PRKN: variants seen among roughly 807,000 people sequenced by gnomAD.
The protein encoded by PRKN is E3 ubiquitin-protein ligase parkin.
PRKN carries 56 observed loss-of-function variants against 59.5 expected under a neutral mutation model. The observed-to-expected ratio is 0.94, with a 90% CI of 0.76 to 1.18. The LOEUF is 1.18. Among genes scored for constraint, PRKN ranks in the 50% most tolerant of loss-of-function variants. PRKN has a pLI of 0.00. For synonymous variants in PRKN, 250 were observed against 222.1 expected (o/e 1.13, Z -1.12); for missense variants, 657 against 596.4 (o/e 1.10, Z -1.06).
chr6:162,160,760 T>C (rs1782715276), intron 4 of PRKN, among the ~76,000 whole-genome samples: 1 of 151,668 alleles, frequency 6.6e-6, no homozygotes, highest in African/African-American at 2.4e-5. Flanking sequence ...AAGAGGGGAC[T>C]TTCTCCTGTA....
intron 4 of PRKN, among the ~76,000 whole-genome samples, chr6:162,111,844 G>T (rs923235729): frequency 6.6e-6 from 1 of 152,168 alleles, no homozygotes; most frequent in African/African-American, 2.4e-5. Context: ...TTGTTGCCCT[G>T]GGGCCTCCCA....
At chr6:162,521,675 T>C (rs1778083005) in intron 1 of PRKN, among the ~76,000 whole-genome samples, 1 of 152,102 alleles carries the variant, frequency 6.6e-6, no homozygotes, top group Non-Finnish European at 1.5e-5. Context: ...TGTGTGTATG[T>C]GTATAACGTA....
At chr6:162,055,293 GA>G (rs147488648) in intron 4 of PRKN, among the ~76,000 whole-genome samples, 2,406 of 152,258 alleles carry the variant, frequency 0.016, 70 homozygotes, top group African/African-American at 0.054. Flanking sequence ...CATCTACTTG[GA>G]AACAAAAATC....
chr6:161,552,835 G>A lies in PRKN; in HGVS notation c.934-3832C>T, dbSNP rs535844536. On this transcript the variant is annotated intron_variant, in intron 8 of 11. Transcript: ENST00000366898. This position sits in a 1 kb window ranked among gnomAD's most constrained non-coding sequence, Gnocchi z 4.9. ...TTTAGACGGAGTCTCGTTGTTACGC[G>A]GCTGGAGTACAGTGGCGCAATCTCG... Among the ~76,000 whole-genome samples, 6 of 149,348 alleles carry A rather than the reference G, an allele frequency of 4.0e-5. No individual in the cohort carries two copies. Among genetic ancestry groups the A allele is most frequent in the African/African-American group, 1.2e-4 (5 of 40,690 alleles).
At chr6:162,421,720 C>G (rs886454400) in intron 2 of PRKN, among the ~76,000 whole-genome samples, 3 of 152,024 alleles carry the variant, frequency 2.0e-5, no homozygotes, top group Non-Finnish European at 4.4e-5. Flanking sequence ...CAGTCTACTG[C>G]AAACAAGGAG....
Position 161,360,403 on chromosome 6 carries a change from G to T in PRKN, c.1168-198C>A, listed in dbSNP as rs1411698243. ...ACACTCTCCCTGGCATGTGGCGTAT[G>T]CGTAGGAGCGGGGAAGAGATTGTTT... On this transcript the variant is annotated intron_variant, in intron 10 of 11. Transcript: ENST00000366898. The surrounding 1 kb of genome is among the most constrained non-coding windows in gnomAD (Gnocchi z 5.1). Among the ~76,000 whole-genome samples, 1 of 152,228 alleles carries T rather than the reference G, an allele frequency of 6.6e-6. No homozygotes were observed. The highest frequency in any genetic ancestry group is 2.4e-5 in the African/African-American group (1 of 41,454).
intron 7 of PRKN, among the ~76,000 whole-genome samples, chr6:161,637,038 T>C (rs1783549710): frequency 6.6e-6 from 1 of 152,216 alleles, no homozygotes; most frequent in South Asian, 2.1e-4. Context: ...TCTGAGAGGC[T>C]GATGGAGCAC....
chr6:162,028,885 T>C (rs966311691), intron 5 of PRKN, among the ~76,000 whole-genome samples: 2 of 152,202 alleles, frequency 1.3e-5, no homozygotes, highest in African/African-American at 2.4e-5. Context: ...GCACAAGCCA[T>C]GTGGAAACCA....
intron 7 of PRKN, among the ~76,000 whole-genome samples, chr6:161,671,176 T>C (rs1235507489): frequency 6.6e-6 from 1 of 152,142 alleles, no homozygotes; most frequent in African/African-American, 2.4e-5. Flanking sequence ...GCTTGTGTCT[T>C]GCTCTCAGAA....
At position 161,459,769 on chromosome 6, in the gene PRKN, T is replaced by C. The variant is rs920350821; in HGVS notation, c.1084-72892A>G. Among the ~76,000 whole-genome samples the C allele has an allele frequency of 1.3e-5, 2 of 152,192 alleles. No homozygotes were observed. Among genetic ancestry groups the C allele is most frequent in the African/African-American group, 4.8e-5 (2 of 41,452 alleles). ...ATTTGCTATAATTATAACAGTTCAG[T>C]TATTTGGTTTTCTCTTTGTCTCCTT... On this transcript the variant is annotated intron_variant, in intron 9 of 11. Transcript: ENST00000366898. This position sits in a 1 kb window ranked among gnomAD's most constrained non-coding sequence, Gnocchi z 4.8.
chr6:162,102,936 G>C (rs929816484), intron 4 of PRKN, among the ~76,000 whole-genome samples: 1 of 151,726 alleles, frequency 6.6e-6, no homozygotes, highest in Non-Finnish European at 1.5e-5. Context: ...CCAGCTACTT[G>C]GGAGGCTGAG....
At chr6:161,591,575 C>T (rs1781727126) in intron 7 of PRKN, among the ~76,000 whole-genome samples, 1 of 152,088 alleles carries the variant, frequency 6.6e-6, no homozygotes, top group Non-Finnish European at 1.5e-5. Context: ...TTTGAGTTTC[C>T]ACAACATCCA....
intron 1 of PRKN, among the ~76,000 whole-genome samples, chr6:162,669,165 CAT>C (rs1306914924): frequency 4.6e-5 from 7 of 152,036 alleles, no homozygotes; most frequent in African/African-American, 1.7e-4. Context: ...GAAAAGCCAC[CAT>C]ATCATTGACC....
chr6:161,942,011 G>T (rs1020442276), intron 6 of PRKN, among the ~76,000 whole-genome samples: 6 of 152,114 alleles, frequency 3.9e-5, no homozygotes, highest in African/African-American at 1.4e-4. Flanking sequence ...TCTCCCAAAA[G>T]CATAAGTGGG....
chr6:162,075,114 T>A (rs1778764216), intron 4 of PRKN, among the ~76,000 whole-genome samples: 1 of 152,204 alleles, frequency 6.6e-6, no homozygotes, highest in Admixed American at 6.5e-5. Flanking sequence ...GAAAGTTTGC[T>A]GTAGCTCAGA....
chr6:161,672,137 G>A (rs984507817), intron 7 of PRKN, among the ~76,000 whole-genome samples: 1 of 152,132 alleles, frequency 6.6e-6, no homozygotes, highest in African/African-American at 2.4e-5. Context: ...GGTTATATGA[G>A]TAACAATGGA....
intron 4 of PRKN, among the ~76,000 whole-genome samples, chr6:162,116,609 T>C (rs1438676249): frequency 6.6e-6 from 1 of 152,184 alleles, no homozygotes; most frequent in Non-Finnish European, 1.5e-5. Flanking sequence ...CACATTTAGA[T>C]TGAGTGTGTA....
At chr6:162,105,317 C>A (rs1037261179) in intron 4 of PRKN, among the ~76,000 whole-genome samples, 1 of 152,112 alleles carries the variant, frequency 6.6e-6, no homozygotes, top group Non-Finnish European at 1.5e-5. Context: ...ACAGCCAAAC[C>A]ACATCAAAAT....
intron 3 of PRKN, 128 bp downstream of exon 3, chr6:162,262,397 A>C: frequency 9.6e-7 from 1 of 1,042,518 alleles, no homozygotes; most frequent in Non-Finnish European, 1.5e-6. Flanking sequence ...GTCTCCTTGT[A>C]GTGAATTAGA....
Sources: gnomAD v4.1 joint callset for allele counts (sites outside exome capture counted in the v4.1 genomes callset) on GRCh38, gnomAD v4.1.1 for gene constraint, Gnocchi (gnomAD v3.1) non-coding constraint, MANE v1.5 for transcripts, NCBI Gene and HGNC (gene_info 2026-07-23, HGNC 2026-07-21) for gene names.